The following RBFOX1 variants were observed in gnomAD, a reference collection of about 807,000 sequenced individuals.
RBFOX1 encodes RNA binding fox-1 homolog 1.
Under a neutral mutation model 57.7 loss-of-function variants are expected in RBFOX1, and 8 were observed. The observed-to-expected ratio is 0.14, with a 90% CI of 0.08 to 0.25. RBFOX1 has a LOEUF of 0.25. Ranked by LOEUF, RBFOX1 falls within the 10% of genes least tolerant of loss-of-function variation. RBFOX1 has a pLI of 1.00. For missense variants in RBFOX1, 611 were observed against 548.5 expected, an observed-to-expected ratio of 1.11 and a Z score of -1.14; for synonymous variants, 326 against 222.4, an observed-to-expected ratio of 1.47 and a Z score of -4.15.
At chr16:5,365,998 A>T (rs1204680381) in intron 1 of RBFOX1, 2 of 500,130 alleles carry the variant, frequency 4.0e-6, no homozygotes, top group Non-Finnish European at 7.9e-6. Flanking sequence ...GTGAATTAGA[A>T]GGCAGTCCAA....
intron 3 of RBFOX1, among the ~76,000 whole-genome samples, chr16:6,753,338 G>C (rs1207634439): frequency 1.3e-5 from 2 of 152,188 alleles, no homozygotes; most frequent in Admixed American, 6.5e-5. Context: ...GCATACTGCA[G>C]TATTGGAAAA....
chr16:6,248,347 A>G (rs113212505), intron 1 of RBFOX1, among the ~76,000 whole-genome samples: 5 of 152,292 alleles, frequency 3.3e-5, no homozygotes, highest in African/African-American at 1.2e-4. Flanking sequence ...TTAAATCAAC[A>G]CAGTCTATTT....
At chr16:5,582,547 CTTTTTTT>C (rs57853959) in intron 2 of RBFOX1, among the ~76,000 whole-genome samples, 33 of 92,860 alleles carry the variant, frequency 3.6e-4, no homozygotes, top group African/African-American at 4.7e-4. Flanking sequence ...AAGCACGTCA[CTTTTTTT>C]TTTTTTTTTT....
At chr16:7,707,791 G>A (rs188164825) in intron 14 of RBFOX1, among the ~76,000 whole-genome samples, 80 of 152,240 alleles carry the variant, frequency 5.3e-4, no homozygotes, top group African/African-American at 1.5e-3. Context: ...GGATCAGGTC[G>A]CAGATATTCA....
intron 5 of RBFOX1, among the ~76,000 whole-genome samples, chr16:7,576,460 A>G (rs1273828619): frequency 6.6e-6 from 1 of 151,964 alleles, no homozygotes; most frequent in Non-Finnish European, 1.5e-5. Context: ...CTTTCCATAC[A>G]CCCACAATGA....
At chr16:7,191,193 A>G (rs537086351) in intron 4 of RBFOX1, among the ~76,000 whole-genome samples, 6 of 152,204 alleles carry the variant, frequency 3.9e-5, no homozygotes, top group African/African-American at 1.4e-4. Context: ...AACCCCTCTC[A>G]TTTTTTAATA....
chr16:7,007,068 A>G (rs184151805), intron 3 of RBFOX1, among the ~76,000 whole-genome samples: 77 of 152,240 alleles, frequency 5.1e-4, no homozygotes, highest in Non-Finnish European at 9.9e-4. Context: ...CTACACTGTG[A>G]GTTTTTCTCA....
chr16:6,461,884 A>C (rs192990494), intron 2 of RBFOX1, among the ~76,000 whole-genome samples: 89 of 152,330 alleles, frequency 5.8e-4, no homozygotes, highest in African/African-American at 2.0e-3. Context: ...TGTTCAGTAC[A>C]TTTAATTATG....
In RBFOX1 at chr16:7,077,461, A is replaced by C. The variant is rs578012344; in HGVS notation, c.27+25363A>C. On this transcript the variant is annotated intron_variant, in intron 4 of 15. Transcript: ENST00000550418. ...AAGCACAGAGTCTCAAAGACGAACT[A>C]ATCTGTGAATAACTGTGCCATTAGT... Among the ~76,000 whole-genome samples, 7 of 152,270 alleles carry C rather than the reference A, an allele frequency of 4.6e-5. No individual in the cohort carries two copies. The South Asian group carries it at 1.2e-3, about 27-fold the overall frequency.
chr16:7,195,782 A>T (rs752099707), intron 4 of RBFOX1, among the ~76,000 whole-genome samples: 16 of 152,114 alleles, frequency 1.1e-4, no homozygotes, highest in Non-Finnish European at 1.5e-4. Flanking sequence ...TCAACTCCTG[A>T]CCTCAGGTAA....
intron 4 of RBFOX1, among the ~76,000 whole-genome samples, chr16:7,329,895 A>C (rs1200928949): frequency 6.6e-6 from 1 of 152,120 alleles, no homozygotes; most frequent in African/African-American, 2.4e-5. Context: ...ATCCTACTAA[A>C]ATCAGCAGAT....
intron 4 of RBFOX1, among the ~76,000 whole-genome samples, chr16:7,416,443 G>A (rs1423393077): frequency 6.6e-6 from 1 of 152,146 alleles, no homozygotes; most frequent in African/African-American, 2.4e-5. Flanking sequence ...CCCAACCTCT[G>A]CTGATTGTTA....
intron 3 of RBFOX1, among the ~76,000 whole-genome samples, chr16:6,711,546 T>G (rs1046821740): frequency 7.2e-5 from 11 of 152,184 alleles, no homozygotes; most frequent in Non-Finnish European, 1.6e-4. Context: ...TTAAAAGTGT[T>G]TGGCAGTTCT....
At chr16:7,318,003 G>A (rs1178499176) in intron 4 of RBFOX1, among the ~76,000 whole-genome samples, 1 of 151,908 alleles carries the variant, frequency 6.6e-6, no homozygotes, top group Non-Finnish European at 1.5e-5. Context: ...TGACTGTGGT[G>A]GTGACGGTAG....
rs34056673 is a variant in RBFOX1 at position 7,023,564 on chromosome 16, T to TAAAAAAAAAAAAAAAAAAA, written c.-15-28481_-15-28463dup. On this transcript the variant is annotated intron_variant, in intron 3 of 15. Transcript: ENST00000550418. ...CAACATGGTGAAACTTCGTCTGTACTAAAAAAAAAAAAAAAAAAAAAAAAA... is the reference window on the plus strand; with the variant it reads ...CAACATGGTGAAACTTCGTCTGTACTAAAAAAAAAAAAAAAAAAAAAAAAAAAAAAAAAAAAAAAAAAAA... Among the ~76,000 whole-genome samples the TAAAAAAAAAAAAAAAAAAA allele has an allele frequency of 9.3e-4, 41 of 43,926 alleles. 9 individuals are homozygous for TAAAAAAAAAAAAAAAAAAA. Among genetic ancestry groups the TAAAAAAAAAAAAAAAAAAA allele is most frequent in the East Asian group, 3.8e-3 (4 of 1,066 alleles). 28.8% of individuals were successfully genotyped at this position (43,926 alleles called of 152,430 possible). A position where few individuals can be genotyped will look rare whatever the true frequency, so the allele number is the denominator to read the frequency against.
At chr16:6,703,928 G>A (rs1410282796) in intron 3 of RBFOX1, 1 of 152,288 alleles carries the variant, frequency 6.6e-6, no homozygotes, top group Non-Finnish European at 1.5e-5. Context: ...AGAGGCCTCA[G>A]CTTCCCAGCC....
At chr16:5,271,377 A>G (rs2063001873) in intron 1 of RBFOX1, among the ~76,000 whole-genome samples, 2 of 152,126 alleles carry the variant, frequency 1.3e-5, no homozygotes, top group South Asian at 4.1e-4. Context: ...ATACATACAC[A>G]TACACATACA....
intron 2 of RBFOX1, among the ~76,000 whole-genome samples, chr16:5,542,184 C>T (rs1394264326): frequency 6.6e-6 from 1 of 152,050 alleles, no homozygotes; most frequent in Non-Finnish European, 1.5e-5. Flanking sequence ...ATTCCACCTC[C>T]CCTTCTATGC....
chr16:7,611,354 G>A (rs943504587), intron 10 of RBFOX1, among the ~76,000 whole-genome samples: 1 of 152,080 alleles, frequency 6.6e-6, no homozygotes, highest in Non-Finnish European at 1.5e-5. Context: ...GAGAGGCCGA[G>A]GAGGGTGGTC....
Sources: gnomAD v4.1 joint callset for allele counts (sites outside exome capture counted in the v4.1 genomes callset) on GRCh38, gnomAD v4.1.1 for gene constraint, MANE v1.5 for transcripts, NCBI Gene and HGNC (gene_info 2026-07-23, HGNC 2026-07-21) for gene names.